The following ATP9B variants were observed in gnomAD, a reference collection of about 807,000 sequenced individuals.
The protein encoded by ATP9B is probable phospholipid-transporting ATPase IIB.
ATP9B carries 110 observed loss-of-function variants against 146.1 expected under a neutral mutation model. The ratio of observed to expected loss-of-function variants is 0.75; its 90% CI spans 0.65 to 0.88. The LOEUF (loss-of-function observed/expected upper bound fraction) is 0.88. Among genes scored for constraint, ATP9B ranks in the 40% least tolerant of loss-of-function variants. ATP9B has a pLI of 0.00. For synonymous variants in ATP9B, 604 were observed against 569.7 expected (o/e 1.06, Z -0.86); for missense variants, 1,499 against 1,496.4 (o/e 1.00, Z -0.03).
chr18:79,262,286 G>GA (rs142110854), intron 12 of ATP9B, among the ~76,000 whole-genome samples: 13 of 150,660 alleles, frequency 8.6e-5, no homozygotes, highest in African/African-American at 2.9e-4. Context: ...TTTTCTTTAG[G>GA]AAAAAAAATA....
chr18:79,089,784 ATTC>A (rs2074161603), intron 1 of ATP9B, among the ~76,000 whole-genome samples: 1 of 152,120 alleles, frequency 6.6e-6, no homozygotes, highest in South Asian at 2.1e-4. Context: ...TTGCAATTTT[ATTC>A]TTTTAGTTAT....
intron 7 of ATP9B, among the ~76,000 whole-genome samples, chr18:79,163,079 G>A (rs916793635): frequency 2.6e-5 from 4 of 152,190 alleles, no homozygotes; most frequent in Admixed American, 2.0e-4. Context: ...CTTAACTGGC[G>A]TCAGTTTTAG....
At chr18:79,327,486 C>CTCTCTGTGGTTAACGTGT (rs2096755517) in intron 15 of ATP9B, among the ~76,000 whole-genome samples, 1 of 146,592 alleles carries the variant, frequency 6.8e-6, no homozygotes, top group African/African-American at 2.6e-5. Flanking sequence ...GGTTAGCGTG[C>CTCTCTGTGGTTAACGTGT]TCTCCGTGGT....
At chr18:79,094,617 G>A (rs1005552370) in intron 1 of ATP9B, among the ~76,000 whole-genome samples, 1 of 152,178 alleles carries the variant, frequency 6.6e-6, no homozygotes, top group Admixed American at 6.5e-5. Flanking sequence ...AGAAAAAAAC[G>A]TTCTGCTTTG....
intron 7 of ATP9B, among the ~76,000 whole-genome samples, chr18:79,171,884 T>TTTTTTG (rs1555725033): frequency 3.3e-5 from 5 of 150,784 alleles, no homozygotes; most frequent in African/African-American, 1.2e-4. Flanking sequence ...ACTCGTTTTT[T>TTTTTTG]TTTGTTTGTT....
chr18:79,318,439 G>A lies in ATP9B; in HGVS notation c.1774-10702G>A, dbSNP rs892469102. On this transcript the variant is annotated intron_variant, in intron 15 of 29. Coordinates refer to ENST00000426216, the MANE Select transcript of ATP9B (RefSeq NM_198531.5). Reference sequence around the variant, plus strand: ...AATCATCAGACAAATAAAACTGAGCGATACTTAACAAAATACCCGACCAGT... The same window carrying A: ...AATCATCAGACAAATAAAACTGAGCAATACTTAACAAAATACCCGACCAGT... Among the ~76,000 whole-genome samples, 5 of 152,190 alleles carry A rather than the reference G, an allele frequency of 3.3e-5. No homozygotes were observed. In the South Asian group the frequency reaches 8.3e-4, roughly 25 times the overall value.
At chr18:79,373,508 T>TTTA (rs1555889598) in intron 27 of ATP9B, among the ~76,000 whole-genome samples, 25 of 148,154 alleles carry the variant, frequency 1.7e-4, no homozygotes, top group Admixed American at 4.0e-4. Context: ...TTTTTTTTTT[T>TTTA]AGACAGAGTC....
intron 15 of ATP9B, among the ~76,000 whole-genome samples, chr18:79,312,435 A>G (rs1291037581): frequency 1.3e-5 from 2 of 152,118 alleles, no homozygotes; most frequent in Non-Finnish European, 2.9e-5. Flanking sequence ...GCTCTTCCCT[A>G]GCCTGACATC....
chr18:79,256,286 T>TATATATATATATATATATATACAC (rs398033647), intron 12 of ATP9B, among the ~76,000 whole-genome samples: 19 of 123,064 alleles, frequency 1.5e-4, no homozygotes, highest in African/African-American at 5.5e-4. Context: ...TATATATATA[T>TATATATATATATATATATATACAC]ACATACATAG....
In ATP9B at chr18:79,098,692, A is replaced by G. The variant is rs1455176647; in HGVS notation, c.293+2043A>G. Among the ~76,000 whole-genome samples, 3 of 152,242 alleles carry G rather than the reference A, an allele frequency of 2.0e-5. No individual in the cohort carries two copies. In the East Asian group the frequency reaches 5.8e-4, roughly 29 times the overall value. On this transcript the variant is annotated intron_variant, in intron 2 of 29. Coordinates refer to ENST00000426216, the MANE Select transcript of ATP9B (RefSeq NM_198531.5). ...CAAATTCAGGAAATTTAACATTGAT[A>G]CAATGCTTTGTATCTACTTTAAGTT...
intron 1 of ATP9B, among the ~76,000 whole-genome samples, chr18:79,080,156 A>T (rs926006225): frequency 1.3e-5 from 2 of 152,142 alleles, no homozygotes; most frequent in African/African-American, 4.8e-5. Flanking sequence ...AATTTAAAGT[A>T]GTTTTTTTCT....
chr18:79,188,527 C>G (rs1357535059), intron 8 of ATP9B, among the ~76,000 whole-genome samples: 1 of 152,158 alleles, frequency 6.6e-6, no homozygotes, highest in African/African-American at 2.4e-5. Flanking sequence ...ACCGGTAAGA[C>G]CAGTTTGTCT....
At chr18:79,299,849 T>C (rs1229826865) in intron 13 of ATP9B, 2 of 152,186 alleles carry the variant, frequency 1.3e-5, no homozygotes, top group Non-Finnish European at 2.9e-5. Context: ...AGTGGGAATG[T>C]GGGAGTCACT....
intron 7 of ATP9B, among the ~76,000 whole-genome samples, chr18:79,175,754 A>G (rs539019259): frequency 6.6e-6 from 1 of 152,120 alleles, no homozygotes; most frequent in Admixed American, 6.5e-5. Flanking sequence ...ACACAAATAC[A>G]TATGTACACA....
At chr18:79,197,363 TAA>T (rs1280351857) in intron 9 of ATP9B, among the ~76,000 whole-genome samples, 4 of 151,266 alleles carry the variant, frequency 2.6e-5, no homozygotes, top group African/African-American at 9.7e-5. Context: ...TATATAGCAA[TAA>T]AAATAAAAAT....
intron 5 of ATP9B, among the ~76,000 whole-genome samples, chr18:79,132,527 C>CT (rs2094393131): frequency 6.6e-6 from 1 of 152,214 alleles, no homozygotes; most frequent in South Asian, 2.1e-4. Context: ...ATCCAGTGTT[C>CT]TTTCAGCTGT....
At chr18:79,356,474 A>T (rs1457660845) in intron 25 of ATP9B, among the ~76,000 whole-genome samples, 1 of 152,222 alleles carries the variant, frequency 6.6e-6, no homozygotes, top group Non-Finnish European at 1.5e-5. Flanking sequence ...AAAAACTAGG[A>T]CCAACCCAGA....
At chr18:79,326,540 CTCTCTCCCTGCACAT>C (rs2096747864) in intron 15 of ATP9B, among the ~76,000 whole-genome samples, 1 of 151,850 alleles carries the variant, frequency 6.6e-6, no homozygotes, top group Admixed American at 6.6e-5. Flanking sequence ...TCTCTGCACA[CTCTCTCCCTGCACAT>C]GGTGTTAAGT....
chr18:79,093,262 T>C (rs573950117), intron 1 of ATP9B, among the ~76,000 whole-genome samples: 2 of 152,350 alleles, frequency 1.3e-5, no homozygotes, highest in African/African-American at 4.8e-5. Flanking sequence ...TTTTCTTTCA[T>C]CTGAGAACAT....
Sources: allele counts gnomAD v4.1 joint callset (sites outside exome capture counted in the v4.1 genomes callset), GRCh38; gene constraint gnomAD v4.1.1; transcripts MANE v1.5; gene names NCBI Gene and HGNC (gene_info 2026-07-23, HGNC 2026-07-21).